The following FAF1 variants were observed in gnomAD, a reference collection of about 807,000 sequenced individuals.
FAF1 encodes Fas associated factor 1.
FAF1 carries 25 observed loss-of-function variants against 92.5 expected under a neutral mutation model. The observed-to-expected ratio is 0.27, with a 90% CI of 0.20 to 0.38. The LOEUF (loss-of-function observed/expected upper bound fraction) is 0.38. Among genes scored for constraint, FAF1 ranks in the 10% least tolerant of loss-of-function variants. The probability of loss-of-function intolerance (pLI) is 1.00; values close to 1 mark genes in which losing one functional copy is unlikely to be tolerated. For synonymous variants in FAF1, 234 were observed against 273.2 expected (o/e 0.86, Z 1.42); for missense variants, 636 against 793.3 (o/e 0.80, Z 2.38).
At chr1:50,642,432 CAA>C (rs933817468) in intron 8 of FAF1, among the ~76,000 whole-genome samples, 7 of 152,010 alleles carry the variant, frequency 4.6e-5, no homozygotes, top group African/African-American at 1.7e-4. Flanking sequence ...GGGGGGATCA[CAA>C]AGTCAGGAGT....
chr1:50,618,918 G>A (rs148564319), intron 8 of FAF1, among the ~76,000 whole-genome samples: 3 of 151,546 alleles, frequency 2.0e-5, no homozygotes, highest in African/African-American at 4.8e-5. Flanking sequence ...CACCATGCCC[G>A]GCTGATTTTT....
chr1:50,883,146 C>T (rs1277922963), intron 1 of FAF1, among the ~76,000 whole-genome samples: 1 of 151,858 alleles, frequency 6.6e-6, no homozygotes, highest in Non-Finnish European at 1.5e-5. Context: ...AATTCAAATG[C>T]CTAAGTGTCC....
intron 8 of FAF1, among the ~76,000 whole-genome samples, chr1:50,619,576 T>G (rs1278019127): frequency 6.6e-6 from 1 of 152,208 alleles, no homozygotes; most frequent in Admixed American, 6.5e-5. Context: ...TTTTAGCTTG[T>G]AGGGTTTGTG....
At chr1:50,842,863 T>A (rs1644267000) in intron 2 of FAF1, among the ~76,000 whole-genome samples, 1 of 152,154 alleles carries the variant, frequency 6.6e-6, no homozygotes, top group Admixed American at 6.5e-5. Context: ...ATTTATAAAT[T>A]TACTTCTGCA....
In FAF1 at chr1:50,521,714, A is replaced by C. The variant is rs527378048; in HGVS notation, c.1494+13655T>G. On this transcript the variant is annotated intron_variant, in intron 15 of 18. Coordinates refer to ENST00000396153, the MANE Select transcript of FAF1 (RefSeq NM_007051.3). ...GCTATTTAACAATGAATGCTTTTAC[A>C]GTAATAAATGGTGACAGCCCAAATC... is the stretch of plus-strand genomic sequence containing the variant. Among the ~76,000 whole-genome samples the C allele has an allele frequency of 7.9e-5, 12 of 152,364 alleles. No homozygotes were observed. In the South Asian group the frequency reaches 2.5e-3, roughly 32 times the overall value.
chr1:50,869,975 A>G (rs998727487), intron 1 of FAF1, among the ~76,000 whole-genome samples: 8 of 152,212 alleles, frequency 5.3e-5, no homozygotes, highest in African/African-American at 1.7e-4. Context: ...ATTTATTTTC[A>G]TACCATGCAT....
intron 15 of FAF1, among the ~76,000 whole-genome samples, chr1:50,513,377 A>G (rs1033449745): frequency 6.6e-6 from 1 of 152,108 alleles, no homozygotes; most frequent in Non-Finnish European, 1.5e-5. Context: ...CCAGCGATCA[A>G]TACTTGAGAG....
At chr1:50,803,954 A>G (rs764133046) in intron 2 of FAF1, among the ~76,000 whole-genome samples, 1 of 152,158 alleles carries the variant, frequency 6.6e-6, no homozygotes, top group Non-Finnish European at 1.5e-5. Flanking sequence ...TGATTAAGGA[A>G]AACTTTAGGG....
In FAF1 at chr1:50,827,328, C is replaced by A. The variant is rs112218462; in HGVS notation, c.115-25651G>T. Among the ~76,000 whole-genome samples the A allele has an allele frequency of 2.8e-3, 425 of 152,254 alleles. 4 individuals are homozygous for A. The highest frequency in any genetic ancestry group is 9.7e-3 in the African/African-American group (403 of 41,528). ...GGGAGGCTGTTAATCTATAACCTTACCCCCAACTCCGTGCCCTCTGAAACA... is the reference window on the plus strand; with the variant it reads ...GGGAGGCTGTTAATCTATAACCTTAACCCCAACTCCGTGCCCTCTGAAACA... On this transcript the variant is annotated intron_variant, in intron 2 of 18. Transcript: ENST00000396153.
chr1:50,922,390 C>CG (rs1381187872), intron 1 of FAF1, among the ~76,000 whole-genome samples: 1 of 123,722 alleles, frequency 8.1e-6, no homozygotes, highest in Non-Finnish European at 1.6e-5. Flanking sequence ...ACCTGAGAAA[C>CG]GGAGGTTGTA....
chr1:50,507,073 GACT>G (rs1647068278), intron 15 of FAF1, among the ~76,000 whole-genome samples: 1 of 152,122 alleles, frequency 6.6e-6, no homozygotes, highest in Non-Finnish European at 1.5e-5. Flanking sequence ...GTTATTCCAG[GACT>G]ACTACCTTTT....
At chr1:50,812,376 A>G (rs1042300772) in intron 2 of FAF1, among the ~76,000 whole-genome samples, 69 of 152,202 alleles carry the variant, frequency 4.5e-4, no homozygotes, top group African/African-American at 1.6e-3. Context: ...CAACTTAATG[A>G]GCAAAAAACA....
At chr1:50,917,721 G>C (rs1181476546) in intron 1 of FAF1, among the ~76,000 whole-genome samples, 1 of 148,454 alleles carries the variant, frequency 6.7e-6, no homozygotes, top group African/African-American at 2.5e-5. Context: ...AACCAACATA[G>C]TTTTTGGCAG....
At chr1:50,575,027 G>A (rs1650657408) in intron 12 of FAF1, among the ~76,000 whole-genome samples, 1 of 146,950 alleles carries the variant, frequency 6.8e-6, no homozygotes, top group South Asian at 2.2e-4. Flanking sequence ...TCCTGCCTCA[G>A]CCTCCCAAGT....
chr1:50,505,122 C>A (rs139863579), intron 15 of FAF1, among the ~76,000 whole-genome samples: 145 of 152,228 alleles, frequency 9.5e-4, no homozygotes, highest in African/African-American at 3.3e-3. Context: ...GTTATTTTTG[C>A]TTTCAGGAAA....
intron 1 of FAF1, among the ~76,000 whole-genome samples, chr1:50,906,942 A>T (rs1242985655): frequency 1.3e-5 from 2 of 152,204 alleles, no homozygotes; most frequent in Non-Finnish European, 2.9e-5. Flanking sequence ...GAGAGAGGGC[A>T]TCCCTGTCTT....
intron 5 of FAF1, among the ~76,000 whole-genome samples, chr1:50,741,390 G>A (rs1384050366): frequency 3.3e-5 from 5 of 152,364 alleles, no homozygotes; most frequent in Non-Finnish European, 2.9e-5. Flanking sequence ...TTGTAGAGGC[G>A]AGAATGGGGT....
At chr1:50,928,773 A>G (rs966525518) in intron 1 of FAF1, among the ~76,000 whole-genome samples, 2 of 118,566 alleles carry the variant, frequency 1.7e-5, no homozygotes, top group African/African-American at 6.9e-5. Context: ...ACAGTGCGAG[A>G]CTCCACCTCA....
intron 1 of FAF1, among the ~76,000 whole-genome samples, chr1:50,875,813 C>G (rs1431657336): frequency 6.6e-6 from 1 of 152,056 alleles, no homozygotes; most frequent in South Asian, 2.1e-4. Flanking sequence ...CATGAACTTA[C>G]CCCCCTAACT....
Sources: gnomAD v4.1 joint callset for allele counts (sites outside exome capture counted in the v4.1 genomes callset) on GRCh38, gnomAD v4.1.1 for gene constraint, MANE v1.5 for transcripts, NCBI Gene and HGNC (gene_info 2026-07-23, HGNC 2026-07-21) for gene names.